The following CXCL13 variants were observed in gnomAD, a reference collection of about 807,000 sequenced individuals.
CXCL13 encodes C-X-C motif chemokine 13.
A neutral mutation model predicts 12.2 loss-of-function variants in CXCL13; 7 were observed. The ratio of observed to expected loss-of-function variants is 0.57; its 90% CI spans 0.33 to 1.07. The LOEUF (loss-of-function observed/expected upper bound fraction) is 1.07. Ranked by LOEUF, CXCL13 falls within the 50% of genes least tolerant of loss-of-function variation. CXCL13 has a pLI of 0.04. For synonymous variants in CXCL13, 47 were observed against 42.4 expected (o/e 1.11, Z -0.42); for missense variants, 113 against 127.4 (o/e 0.89, Z 0.55).
intron 1 of CXCL13, among the ~76,000 whole-genome samples, chr4:77,556,365 C>T (rs1172444139): frequency 6.6e-6 from 1 of 151,922 alleles, no homozygotes; most frequent in Non-Finnish European, 1.5e-5. Flanking sequence ...CTGCATAATT[C>T]CTTTTATGTG....
intron 1 of CXCL13, among the ~76,000 whole-genome samples, chr4:77,519,140 C>T (rs190699725): frequency 3.2e-4 from 48 of 152,264 alleles, no homozygotes; most frequent in African/African-American, 1.1e-3. Context: ...GCTGTCTGAT[C>T]GTTCCTCTGG....
upstream of CXCL13, among the ~76,000 whole-genome samples, chr4:77,601,742 T>C (rs1726883813): frequency 6.6e-6 from 1 of 152,244 alleles, no homozygotes; most frequent in Non-Finnish European, 1.5e-5. Flanking sequence ...ATTGAAGTGT[T>C]TGCTATTTGC....
At chr4:77,581,125 C>T (rs1050694547) in intron 1 of CXCL13, among the ~76,000 whole-genome samples, 9 of 151,990 alleles carry the variant, frequency 5.9e-5, no homozygotes, top group African/African-American at 2.2e-4. Context: ...AGCTAAAGAA[C>T]CCCCAGGTTT....
chr4:77,529,482 A>G (rs1724851070), intron 1 of CXCL13, among the ~76,000 whole-genome samples: 1 of 152,192 alleles, frequency 6.6e-6, no homozygotes, highest in South Asian at 2.1e-4. Flanking sequence ...TTCTCCTTGA[A>G]GAGGTCCTTC....
chr4:77,515,110 T>C (rs1309901822), intron 1 of CXCL13, among the ~76,000 whole-genome samples: 1 of 151,470 alleles, frequency 6.6e-6, no homozygotes, highest in Non-Finnish European at 1.5e-5. Context: ...AAAGATCAGA[T>C]GGTTGTAGAT....
chr4:77,537,684 T>A (rs1725092382), intron 1 of CXCL13, among the ~76,000 whole-genome samples: 1 of 152,202 alleles, frequency 6.6e-6, no homozygotes, highest in African/African-American at 2.4e-5. Context: ...CTGTGTTCCA[T>A]GTCCCAGCAT....
At chr4:77,532,989 C>A (rs1007584657) in intron 1 of CXCL13, among the ~76,000 whole-genome samples, 3 of 152,122 alleles carry the variant, frequency 2.0e-5, no homozygotes, top group African/African-American at 7.2e-5. Context: ...GAACTTCCTC[C>A]TTTAGCTCAG....
At chr4:77,602,186 A>G (rs957914799), upstream of CXCL13, among the ~76,000 whole-genome samples, 7 of 152,192 alleles carry the variant, frequency 4.6e-5, no homozygotes, top group Non-Finnish European at 8.8e-5. Flanking sequence ...ACTTTGTCCA[A>G]TTATGCCATC....
chr4:77,569,022 G>A (rs1344845343), intron 1 of CXCL13, among the ~76,000 whole-genome samples: 1 of 152,152 alleles, frequency 6.6e-6, no homozygotes, highest in African/African-American at 2.4e-5. Flanking sequence ...GGACAATGGT[G>A]AATCCCAAAG....
At chr4:77,541,231 T>C (rs1725199927) in intron 1 of CXCL13, among the ~76,000 whole-genome samples, 1 of 152,200 alleles carries the variant, frequency 6.6e-6, no homozygotes, top group Non-Finnish European at 1.5e-5. Flanking sequence ...TTAGTTTCTT[T>C]TGCTGTGCAG....
chr4:77,539,454 T>C (rs1157708908), intron 1 of CXCL13, among the ~76,000 whole-genome samples: 2 of 152,326 alleles, frequency 1.3e-5, no homozygotes, highest in Admixed American at 1.3e-4. Context: ...CTTGAGGTTT[T>C]ATACATTAGT....
intron 1 of CXCL13, among the ~76,000 whole-genome samples, chr4:77,530,528 A>G (rs1265831575): frequency 6.6e-6 from 1 of 152,102 alleles, no homozygotes; most frequent in African/African-American, 2.4e-5. Flanking sequence ...TCAGGAATTT[A>G]TCCATTTCGT....
chr4:77,513,897 T>C (rs1436594196), intron 1 of CXCL13, among the ~76,000 whole-genome samples: 3 of 151,980 alleles, frequency 2.0e-5, no homozygotes, highest in Admixed American at 6.6e-5. Context: ...ACTGGTGTGC[T>C]GCAACCACTA....
chr4:77,609,280 TTC>T (rs1323320359), intron 2 of CXCL13, among the ~76,000 whole-genome samples: 2 of 151,066 alleles, frequency 1.3e-5, no homozygotes, highest in African/African-American at 4.9e-5. Context: ...TGTGGTTTGT[TTC>T]TGTTTTTTGT....
chr4:77,550,781 A>G (rs1258534016), intron 1 of CXCL13, among the ~76,000 whole-genome samples: 2 of 152,158 alleles, frequency 1.3e-5, no homozygotes, highest in Admixed American at 6.6e-5. Context: ...TACTTGTTTT[A>G]TGAATCTGGG....
intron 1 of CXCL13, among the ~76,000 whole-genome samples, chr4:77,526,999 A>G (rs1724783367): frequency 6.6e-6 from 1 of 152,202 alleles, no homozygotes; most frequent in African/African-American, 2.4e-5. Context: ...TGTGAAAATC[A>G]GGGACTAGAA....
chr4:77,607,957 C>T, intron 2 of CXCL13, 122 bp downstream of exon 2: 1 of 1,000,402 alleles, frequency 1.0e-6, no homozygotes, highest in Non-Finnish European at 1.5e-6. Context: ...GCTAAAAATT[C>T]TCAAACTAAT....
At chr4:77,588,806 A>G (rs2109829562) in intron 1 of CXCL13, among the ~76,000 whole-genome samples, 1 of 152,330 alleles carries the variant, frequency 6.6e-6, no homozygotes, top group South Asian at 2.1e-4. Context: ...ATAAACGAGA[A>G]CAAAGCTGAA....
intron 1 of CXCL13, among the ~76,000 whole-genome samples, chr4:77,535,825 A>G (rs1302918174): frequency 1.3e-5 from 2 of 152,200 alleles, no homozygotes; most frequent in South Asian, 2.1e-4. Context: ...TCCCAGATGT[A>G]AAGCCACCTT....
Sources: gnomAD v4.1 joint callset for allele counts (sites outside exome capture counted in the v4.1 genomes callset) on GRCh38, gnomAD v4.1.1 for gene constraint, MANE v1.5 for transcripts, NCBI Gene and HGNC (gene_info 2026-07-23, HGNC 2026-07-21) for gene names.